RBMS3: variants seen among roughly 807,000 people sequenced by gnomAD.
RBMS3 encodes the protein RNA binding motif single stranded interacting protein 3.
In RBMS3, 27 loss-of-function variants were observed where a neutral mutation model predicts 66.8. The ratio of observed to expected loss-of-function variants is 0.40; its 90% CI spans 0.30 to 0.56. The LOEUF (loss-of-function observed/expected upper bound fraction) is 0.56, where lower values mean the gene tolerates loss of function less well. Among genes scored for constraint, RBMS3 ranks in the 20% least tolerant of loss-of-function variants. The pLI is 0.40. For missense variants in RBMS3, 513 were observed against 549.5 expected (o/e 0.93, Z 0.66); for synonymous variants, 188 against 183.0 (o/e 1.03, Z -0.22).
intron 4 of RBMS3, among the ~76,000 whole-genome samples, chr3:29,688,501 T>C (rs944943664): frequency 2.0e-5 from 3 of 151,564 alleles, no homozygotes; most frequent in Admixed American, 2.0e-4. Flanking sequence ...TCTGGTTTAG[T>C]ATATAAATTT....
At chr3:29,976,929 C>T (rs74465974) in intron 12 of RBMS3, among the ~76,000 whole-genome samples, 3,319 of 152,196 alleles carry the variant, frequency 0.022, 119 homozygotes, top group African/African-American at 0.075. Context: ...ACTCAGTTTA[C>T]TCCCTATATC....
At chr3:29,805,579 C>G (rs1324567934) in intron 6 of RBMS3, among the ~76,000 whole-genome samples, 1 of 151,750 alleles carries the variant, frequency 6.6e-6, no homozygotes. Context: ...TGATCCTGAC[C>G]CTGTGTAGGC....
chr3:29,952,193 A>G (rs1695726911), intron 12 of RBMS3, among the ~76,000 whole-genome samples: 3 of 151,828 alleles, frequency 2.0e-5, no homozygotes, highest in Admixed American at 1.3e-4. Flanking sequence ...TCTACTCATC[A>G]CATCTCAACG....
intron 1 of RBMS3, among the ~76,000 whole-genome samples, chr3:29,340,150 A>G (rs979782578): frequency 3.3e-5 from 5 of 152,156 alleles, no homozygotes; most frequent in African/African-American, 1.2e-4. Flanking sequence ...TTCTCCCAGG[A>G]CTGGCTACAT....
At chr3:29,815,542 G>A (rs2057862861) in intron 6 of RBMS3, among the ~76,000 whole-genome samples, 1 of 151,948 alleles carries the variant, frequency 6.6e-6, no homozygotes, top group South Asian at 2.1e-4. Flanking sequence ...TAGGAACAGG[G>A]GGTTGTCAAC....
intron 3 of RBMS3, among the ~76,000 whole-genome samples, chr3:29,492,457 C>T (rs1033432378): frequency 1.3e-5 from 2 of 151,986 alleles, no homozygotes; most frequent in African/African-American, 4.8e-5. Context: ...TTGAAACAAT[C>T]GTCTAAATGT....
At chr3:29,761,475 C>T (rs1180224644) in intron 5 of RBMS3, among the ~76,000 whole-genome samples, 4 of 152,164 alleles carry the variant, frequency 2.6e-5, no homozygotes, top group Middle Eastern at 3.4e-3. Context: ...GTAATAAGGA[C>T]GCACGCCCTC....
chr3:29,944,390 G>C (rs911897579), intron 12 of RBMS3, 136 bp downstream of exon 12: 1 of 655,104 alleles, frequency 1.5e-6, no homozygotes, highest in African/African-American at 1.8e-5. Flanking sequence ...TTTGCAAGGG[G>C]GCATGTGTAG....
intron 4 of RBMS3, among the ~76,000 whole-genome samples, chr3:29,707,682 G>A (rs1037563483): frequency 6.6e-6 from 1 of 152,118 alleles, no homozygotes; most frequent in African/African-American, 2.4e-5. Flanking sequence ...CACAATTCAT[G>A]TTTACAGAAA....
chr3:29,927,386 C>T (rs1226357399), intron 10 of RBMS3, among the ~76,000 whole-genome samples: 1 of 152,098 alleles, frequency 6.6e-6, no homozygotes, highest in African/African-American at 2.4e-5. Context: ...AACTAAGCAT[C>T]TGTTTTATGA....
At position 29,418,715 on chromosome 3, in the gene RBMS3, A is replaced by G. The variant is rs79876096; in HGVS notation, c.76-16028A>G. ...ATAACTCTAGAGGGTGCCTATTTTCATTGGGTGAAAAATATTCCTTTGCTA... is the reference window on the plus strand; with the variant it reads ...ATAACTCTAGAGGGTGCCTATTTTCGTTGGGTGAAAAATATTCCTTTGCTA... On this transcript the variant is annotated intron_variant, in intron 1 of 14. Coordinates refer to ENST00000383767, the MANE Select transcript of RBMS3 (RefSeq NM_001003793.3). Among the ~76,000 whole-genome samples, 1,451 of 152,258 alleles carry G rather than the reference A, an allele frequency of 9.5e-3. 18 individuals are homozygous for G. The highest frequency in any genetic ancestry group is 0.034 in the African/African-American group (1,400 of 41,552).
chr3:29,423,812 A>G (rs2040841509), intron 1 of RBMS3, among the ~76,000 whole-genome samples: 1 of 152,230 alleles, frequency 6.6e-6, no homozygotes, highest in South Asian at 2.1e-4. Flanking sequence ...GCTGCTAATG[A>G]CTGTCAGATT....
At chr3:29,286,863 T>C (rs973176420) in intron 1 of RBMS3, among the ~76,000 whole-genome samples, 14 of 152,160 alleles carry the variant, frequency 9.2e-5, no homozygotes, top group Non-Finnish European at 1.8e-4. Flanking sequence ...AATAAAACTT[T>C]TTTAATGTCA....
chr3:29,512,567 T>C (rs1379100231), intron 3 of RBMS3, among the ~76,000 whole-genome samples: 2 of 152,210 alleles, frequency 1.3e-5, no homozygotes, highest in Non-Finnish European at 1.5e-5. Flanking sequence ...ATTTGATATT[T>C]GATCCATCCT....
At chr3:29,701,476 G>A (rs1005337635) in intron 4 of RBMS3, among the ~76,000 whole-genome samples, 5 of 152,224 alleles carry the variant, frequency 3.3e-5, no homozygotes, top group South Asian at 2.1e-4. Flanking sequence ...CACTCTGGCC[G>A]TGCTTGAGGA....
At chr3:29,580,682 T>TATA (rs5847581) in intron 3 of RBMS3, among the ~76,000 whole-genome samples, 5,508 of 147,634 alleles carry the variant, frequency 0.037, 120 homozygotes, top group African/African-American at 0.061. Flanking sequence ...AATTTAATAA[T>TATA]ATAATAATAA....
intron 6 of RBMS3, among the ~76,000 whole-genome samples, chr3:29,865,106 G>GGAAGGAAGGA (rs2059325310): frequency 4.7e-5 from 6 of 127,088 alleles, no homozygotes; most frequent in African/African-American, 2.0e-4. Context: ...GGGAGGGAGG[G>GGAAGGAAGGA]AGGAAGGAAG....
At chr3:29,568,416 GT>G (rs1252057479) in intron 3 of RBMS3, among the ~76,000 whole-genome samples, 1 of 152,166 alleles carries the variant, frequency 6.6e-6, no homozygotes, top group Non-Finnish European at 1.5e-5. Flanking sequence ...CATTTGTCTG[GT>G]TTCTCTTAGA....
intron 2 of RBMS3, among the ~76,000 whole-genome samples, chr3:29,442,211 CA>C (rs1187878135): frequency 2.0e-5 from 3 of 150,746 alleles, no homozygotes; most frequent in Non-Finnish European, 3.0e-5. Context: ...TATATACTTA[CA>C]TTTTTTTGCC....
Sources: gnomAD v4.1 joint callset for allele counts (sites outside exome capture counted in the v4.1 genomes callset) on GRCh38, gnomAD v4.1.1 for gene constraint, MANE v1.5 for transcripts, NCBI Gene and HGNC (gene_info 2026-07-23, HGNC 2026-07-21) for gene names.